ORC4: variants seen among roughly 807,000 people sequenced by gnomAD.
The protein encoded by ORC4 is origin recognition complex, subunit 4 homolog.
ORC4 carries 55 observed loss-of-function variants against 63.9 expected under a neutral mutation model. That is an observed-to-expected ratio of 0.86 (90% CI 0.69 to 1.08). ORC4 has a LOEUF of 1.08. ORC4 is among the 50% of genes least tolerant of loss of function. The pLI is 0.00. For synonymous variants in ORC4, 150 were observed against 168.5 expected, an observed-to-expected ratio of 0.89 and a Z score of 0.85; for missense variants, 511 against 504.4, an observed-to-expected ratio of 1.01 and a Z score of -0.13.
intron 7 of ORC4, among the ~76,000 whole-genome samples, chr2:147,955,028 T>C (rs1258975388): frequency 1.3e-5 from 2 of 151,882 alleles, no homozygotes; most frequent in African/African-American, 4.8e-5. Context: ...ACAAGAACCA[T>C]AAAAATGATG....
At chr2:147,982,345 GTAA>G (rs777093592) in intron 1 of ORC4, among the ~76,000 whole-genome samples, 22 of 152,158 alleles carry the variant, frequency 1.4e-4, no homozygotes, top group Non-Finnish European at 2.9e-4. Flanking sequence ...AAAGAACTAT[GTAA>G]TAATTGTCTC....
intron 1 of ORC4, among the ~76,000 whole-genome samples, chr2:147,996,169 T>C (rs191781810): frequency 1.5e-4 from 23 of 152,126 alleles, no homozygotes; most frequent in East Asian, 3.9e-4. Flanking sequence ...CTGGGCATGG[T>C]GGTGTGTGCC....
chr2:148,013,091 C>A lies in ORC4; in HGVS notation c.-18+7542G>T, dbSNP rs75953278. 8.4e-4 allele frequency among the ~76,000 whole-genome samples: 128 copies of A among 152,212 alleles called. 1 individual carries two copies. In the East Asian group the frequency reaches 0.02, roughly 24 times the overall value. ...CAGCAATCCCACTACTGTGTATATA[C>A]CCAAGAGAAAGGAAATCAGTATATA... is the stretch of plus-strand genomic sequence containing the variant. On this transcript the variant is annotated intron_variant, in intron 1 of 13. Transcript: ENST00000392857.
chr2:148,007,188 T>A (rs768132943), intron 1 of ORC4, among the ~76,000 whole-genome samples: 3 of 152,202 alleles, frequency 2.0e-5, no homozygotes, highest in Non-Finnish European at 4.4e-5. Context: ...CTGTGAAGAC[T>A]AGCTCTTCGA....
At chr2:147,976,675 A>G (rs754908957) in intron 1 of ORC4, among the ~76,000 whole-genome samples, 7 of 152,058 alleles carry the variant, frequency 4.6e-5, no homozygotes, top group Non-Finnish European at 7.4e-5. Flanking sequence ...CTCACCAACA[A>G]TACACAAATA....
intron 1 of ORC4, among the ~76,000 whole-genome samples, chr2:148,018,023 T>C (rs1207983951): frequency 1.3e-5 from 2 of 151,996 alleles, no homozygotes; most frequent in Admixed American, 6.6e-5. Flanking sequence ...AGAGTAATGC[T>C]CCAAGCACAG....
At chr2:147,964,203 A>G (rs1333811413) in intron 4 of ORC4, among the ~76,000 whole-genome samples, 3 of 152,194 alleles carry the variant, frequency 2.0e-5, no homozygotes, top group African/African-American at 7.2e-5. Flanking sequence ...ACAGATAGAA[A>G]ATTGAACAAA....
intron 8 of ORC4, 52 bp from the exon 9 acceptor site, chr2:147,948,276 CA>C (rs1400143555): frequency 2.4e-6 from 3 of 1,237,826 alleles, no homozygotes; most frequent in Non-Finnish European, 3.5e-6. Context: ...TTTAAAAAAA[CA>C]AAAACACTGT....
At chr2:147,986,080 A>T (rs1018236316) in intron 1 of ORC4, among the ~76,000 whole-genome samples, 5 of 152,196 alleles carry the variant, frequency 3.3e-5, no homozygotes, top group Non-Finnish European at 7.3e-5. Context: ...TATGTGTACA[A>T]TTTGTATTTT....
chr2:147,944,379 T>C (rs944674248), intron 9 of ORC4, among the ~76,000 whole-genome samples: 31 of 151,728 alleles, frequency 2.0e-4, no homozygotes, highest in Admixed American at 9.9e-4. Flanking sequence ...TAAGACAGAG[T>C]AGAGATCTAG....
At chr2:147,977,581 G>A (rs1449986016) in intron 1 of ORC4, among the ~76,000 whole-genome samples, 1 of 152,154 alleles carries the variant, frequency 6.6e-6, no homozygotes, top group East Asian at 1.9e-4. Flanking sequence ...CAATTGGAGG[G>A]CAGATCTTCA....
At chr2:147,960,258 T>A (rs546088995) in intron 4 of ORC4, 2 of 985,386 alleles carry the variant, frequency 2.0e-6, no homozygotes, top group South Asian at 9.4e-5. Context: ...CACCAACTTA[T>A]GCTTTGCTTG....
At chr2:147,958,175 C>A in intron 6 of ORC4, 123 bp downstream of exon 6, 1 of 639,406 alleles carries the variant, frequency 1.6e-6, no homozygotes, top group Admixed American at 2.8e-5. Flanking sequence ...ATGAAAGAAT[C>A]TCATATATTT....
intron 10 of ORC4, among the ~76,000 whole-genome samples, chr2:147,942,962 A>G (rs1688449678): frequency 6.6e-6 from 1 of 152,132 alleles, no homozygotes; most frequent in Admixed American, 6.6e-5. Flanking sequence ...TATGTAATGA[A>G]TATGTGGGAA....
chr2:147,958,441 CA>C (rs1490381383), intron 5 of ORC4, 58 bp from the exon 6 acceptor site: 1 of 1,283,172 alleles, frequency 7.8e-7, no homozygotes, highest in Non-Finnish European at 1.1e-6. Flanking sequence ...TTTGATACAG[CA>C]GGTTGTTTTC....
intron 1 of ORC4, among the ~76,000 whole-genome samples, chr2:148,008,650 C>A (rs1313883112): frequency 6.6e-6 from 1 of 152,160 alleles, no homozygotes; most frequent in Non-Finnish European, 1.5e-5. Flanking sequence ...CCTGCTCTGC[C>A]CTGACTCCCG....
At chr2:147,976,503 G>A (rs1452959379) in intron 1 of ORC4, among the ~76,000 whole-genome samples, 1 of 152,086 alleles carries the variant, frequency 6.6e-6, no homozygotes, top group Non-Finnish European at 1.5e-5. Flanking sequence ...CTCCAGGCCT[G>A]TATGTGGTTC....
chr2:147,978,063 A>C (rs1690668314), intron 1 of ORC4, among the ~76,000 whole-genome samples: 1 of 152,148 alleles, frequency 6.6e-6, no homozygotes, highest in Admixed American at 6.5e-5. Context: ...TGAGGGACCT[A>C]GGTCAGGTGG....
intron 11 of ORC4, 154 bp from the exon 12 acceptor site, chr2:147,938,547 ATAAATT>A (rs1688189763): frequency 1.6e-6 from 1 of 607,474 alleles, no homozygotes; most frequent in Non-Finnish European, 2.9e-6. Context: ...AATTATCTAT[ATAAATT>A]TAAGTTACTT....
Sources: allele counts gnomAD v4.1 joint callset (sites outside exome capture counted in the v4.1 genomes callset), GRCh38; gene constraint gnomAD v4.1.1; transcripts MANE v1.5; gene names NCBI Gene and HGNC (gene_info 2026-07-23, HGNC 2026-07-21).